Variants in RYK observed in about 807,000 individuals in gnomAD.
RYK encodes the protein receptor like tyrosine kinase.
Under a neutral mutation model 70.2 loss-of-function variants are expected in RYK, and 21 were observed. The ratio of observed to expected loss-of-function variants is 0.30; its 90% CI spans 0.21 to 0.43. The LOEUF (loss-of-function observed/expected upper bound fraction) is 0.43. RYK is among the 20% of genes least tolerant of loss of function. RYK has a pLI of 1.00. For synonymous variants in RYK, 267 were observed against 278.0 expected (o/e 0.96, Z 0.39); for missense variants, 604 against 753.3 (o/e 0.80, Z 2.32).
chr3:134,189,864 G>A (rs765462201), intron 8 of RYK, among the ~76,000 whole-genome samples: 1 of 151,562 alleles, frequency 6.6e-6, no homozygotes, highest in Non-Finnish European at 1.5e-5. Flanking sequence ...TACCAATTTT[G>A]TAATTGCCCA....
At chr3:134,205,639 G>A (rs576733868) in intron 5 of RYK, among the ~76,000 whole-genome samples, 12 of 152,240 alleles carry the variant, frequency 7.9e-5, no homozygotes, top group Middle Eastern at 3.4e-3. Context: ...GCTTTCCTAT[G>A]CATTTTTCCC....
chr3:134,250,342 C>T (rs952644151), intron 1 of RYK, 81 bp downstream of exon 1: 18 of 874,842 alleles, frequency 2.1e-5, no homozygotes, highest in Non-Finnish European at 4.6e-6. Flanking sequence ...AGGTCCACGG[C>T]TCGCAGACTG....
rs556788445 is a variant in RYK at position 134,167,928 on chromosome 3, G to GA, written c.1575+7680dup. On this transcript the variant is annotated intron_variant, in intron 13 of 14. Coordinates refer to ENST00000623711, the MANE Select transcript of RYK (RefSeq NM_002958.4). ...ACAAAGAACTCAAACAAATTTACAA[G>GA]AAAAAAACAACCCCATCAAAGAGTG... 3.2e-3 allele frequency among the ~76,000 whole-genome samples: 484 copies of GA among 152,010 alleles called. 1 individual carries two copies. Among genetic ancestry groups the GA allele is most frequent in the African/African-American group, 0.011 (443 of 41,480 alleles).
Position 134,246,301 on chromosome 3 carries a change from A to AACACACACACAC in RYK, c.232+4121_232+4122insGTGTGTGTGTGT, listed in dbSNP as rs1342155987. On this transcript the variant is annotated intron_variant, in intron 1 of 14. Coordinates refer to ENST00000623711, the MANE Select transcript of RYK (RefSeq NM_002958.4). ...CAAACCAACAGACATCTCAGAAAGA[A>AACACACACACAC]ATACACACACACACACACACACACA... Among the ~76,000 whole-genome samples, 13 of 103,706 alleles carry AACACACACACAC rather than the reference A, an allele frequency of 1.3e-4. 2 individuals carry two copies. Among genetic ancestry groups the AACACACACACAC allele is most frequent in the African/African-American group, 5.1e-4 (13 of 25,538 alleles). 68.0% of individuals were successfully genotyped at this position (103,706 alleles called of 152,430 possible).
At position 134,159,859 on chromosome 3, in the gene RYK, T is replaced by G. The variant is rs975647254; in HGVS notation, c.1576-486A>C. Among the ~76,000 whole-genome samples the G allele has an allele frequency of 3.3e-5, 5 of 152,304 alleles. No individual in the cohort carries two copies. In the East Asian group the frequency reaches 9.6e-4, roughly 29 times the overall value. ...GATTAAAAAAACTTCCAACCTTGCT[T>G]GAGTAAGCAATCAGGTTTATTTAAA... is the stretch of plus-strand genomic sequence containing the variant. On this transcript the variant is annotated intron_variant, in intron 13 of 14. Coordinates refer to ENST00000623711, the MANE Select transcript of RYK (RefSeq NM_002958.4).
intron 1 of RYK, among the ~76,000 whole-genome samples, chr3:134,236,764 T>C (rs1231538383): frequency 6.6e-6 from 1 of 152,138 alleles, no homozygotes; most frequent in Non-Finnish European, 1.5e-5. Context: ...GAAAGAAAGT[T>C]ACATATTTTG....
intron 1 of RYK, among the ~76,000 whole-genome samples, chr3:134,244,267 A>G (rs2015395957): frequency 6.6e-6 from 1 of 152,142 alleles, no homozygotes; most frequent in South Asian, 2.1e-4. Context: ...CCACCTTCAC[A>G]GGCTCCGGAA....
At position 134,178,052 on chromosome 3, in the gene RYK, A is replaced by G; in HGVS notation, c.1194T>C (p.His398=). 1.3e-6 allele frequency: 2 copies of G among 1,584,298 alleles called. No individual in the cohort carries two copies. The highest frequency in any genetic ancestry group is 1.7e-6 in the Non-Finnish European group (2 of 1,164,194). The change falls in exon 11 of 15, where the codon CAT becomes CAC. Residue 398 remains histidine, a synonymous_variant. Transcript: ENST00000623711. ...GCTTTTCTCCTTCTTCTATACACAC[A>G]TGAGTAATAGGAAGAAGATTTCTAT... ...LHHRNLLPIT[H]VCIEEGEKPM... is the part of the protein sequence containing the mutation.
At chr3:134,217,864 T>C (rs2014609256) in intron 2 of RYK, among the ~76,000 whole-genome samples, 1 of 152,178 alleles carries the variant, frequency 6.6e-6, no homozygotes. Flanking sequence ...ACTCATAAGA[T>C]TAATTTTTAA....
chr3:134,163,565 T>C (rs78809771), intron 13 of RYK, among the ~76,000 whole-genome samples: 13,866 of 152,268 alleles, frequency 0.091, 1,278 homozygotes, highest in South Asian at 0.32. Context: ...CTAAAACATA[T>C]ATGAATGTGA....
At chr3:134,166,018 C>T (rs531629576) in intron 13 of RYK, among the ~76,000 whole-genome samples, 1 of 152,268 alleles carries the variant, frequency 6.6e-6, no homozygotes, top group African/African-American at 2.4e-5. Context: ...ACTTTTAGGG[C>T]TGTTGGGATG....
At chr3:134,196,027 C>T (rs953093790) in intron 6 of RYK, among the ~76,000 whole-genome samples, 2 of 152,138 alleles carry the variant, frequency 1.3e-5, no homozygotes, top group Non-Finnish European at 2.9e-5. Flanking sequence ...CAATCCCTCC[C>T]TTTCATCCAA....
In RYK at chr3:134,158,192, G is replaced by A. The variant is rs370901379; in HGVS notation, c.1785C>T (p.Cys595=). The change falls in exon 15 of 15, where the codon TGC becomes TGT. Residue 595 remains cysteine, a synonymous_variant. Transcript: ENST00000623711. ...CCAGGGCTGCATGAAACTCTGTTAG[G>A]CACTGTACCAGCTGCTGAAACTTGG... is the stretch of plus-strand genomic sequence containing the variant. ...ERPKFQQLVQ[C]LTEFHAALGA... 22 of 1,571,930 alleles carry A rather than the reference G, an allele frequency of 1.4e-5. No individual in the cohort carries two copies. The African/African-American group carries it at 2.6e-4, about 18-fold the overall frequency.
rs2015595239 is a variant in RYK at position 134,250,650 on chromosome 3, C to G, written c.5G>C (p.Arg2Pro). Residue 2 changes from arginine (R) to proline (P), a missense_variant, in exon 1 of 15, where the codon CGT becomes CCT. Transcript: ENST00000623711. ...CGGCCGCCCCAGCCGCGCCGCCCCACGCATGGCCGCCGCCGCCGCCGCCGA... is the reference window on the plus strand; with the variant it reads ...CGGCCGCCCCAGCCGCGCCGCCCCAGGCATGGCCGCCGCCGCCGCCGCCGA... M[R>P]GAARLGRPGR... The G allele has an allele frequency of 2.0e-6, 2 of 983,096 alleles. No individual in the cohort carries two copies. Among genetic ancestry groups the G allele is most frequent in the South Asian group, 9.0e-5 (2 of 22,138 alleles). 60.9% of individuals were successfully genotyped at this position (983,096 alleles called of 1,614,324 possible).
At chr3:134,172,097 A>C (rs12638802) in intron 13 of RYK, among the ~76,000 whole-genome samples, 13,857 of 152,266 alleles carry the variant, frequency 0.091, 1,295 homozygotes, top group South Asian at 0.32. Context: ...CAACAGCCAT[A>C]TCATTTCAGC....
intron 2 of RYK, among the ~76,000 whole-genome samples, chr3:134,221,035 T>C (rs574237468): frequency 6.6e-6 from 1 of 152,188 alleles, no homozygotes; most frequent in South Asian, 2.1e-4. Context: ...GAAAGATGCC[T>C]AGATAAGTTA....
chr3:134,232,458 T>C (rs548548796), intron 1 of RYK, among the ~76,000 whole-genome samples: 1 of 152,326 alleles, frequency 6.6e-6, no homozygotes, highest in East Asian at 1.9e-4. Flanking sequence ...AATAAATATT[T>C]ATAAGCTGCT....
At chr3:134,182,876 GA>G (rs1052531703) in intron 10 of RYK, 125 bp downstream of exon 10, 32 of 489,580 alleles carry the variant, frequency 6.5e-5, no homozygotes, top group South Asian at 1.2e-4. Context: ...TTTATATTCA[GA>G]AAAAAAAATT....
chr3:134,198,314 A>G (rs1406680794), intron 6 of RYK, among the ~76,000 whole-genome samples: 1 of 152,202 alleles, frequency 6.6e-6, no homozygotes, highest in Non-Finnish European at 1.5e-5. Flanking sequence ...CACTGACAAC[A>G]ATTTGTACTT....
Sources: allele counts gnomAD v4.1 joint callset (sites outside exome capture counted in the v4.1 genomes callset), GRCh38; gene constraint gnomAD v4.1.1; transcripts MANE v1.5; gene names NCBI Gene and HGNC (gene_info 2026-07-23, HGNC 2026-07-21).